Variants in ADGRG1 observed in about 807,000 individuals in gnomAD.
ADGRG1 encodes adhesion G protein-coupled receptor G1.
ADGRG1 carries 53 observed loss-of-function variants against 73.5 expected under a neutral mutation model. The observed-to-expected ratio is 0.72, with a 90% confidence interval of 0.58 to 0.91. ADGRG1 has a LOEUF of 0.91. ADGRG1 is among the 40% of genes least tolerant of loss of function. The probability of loss-of-function intolerance (pLI) is 0.00; values close to 1 mark genes in which losing one functional copy is unlikely to be tolerated. For synonymous variants in ADGRG1, 394 were observed against 374.4 expected, an observed-to-expected ratio of 1.05 and a Z score of -0.60; for missense variants, 795 against 871.8, an observed-to-expected ratio of 0.91 and a Z score of 1.11.
chr16:57,628,433 G>A (rs1339585631), upstream of ADGRG1: 2 of 803,896 alleles, frequency 2.5e-6, no homozygotes, highest in East Asian at 1.3e-4. Flanking sequence ...CCCCTTGCCC[G>A]GCGCTGAGTC....
intron 11 of ADGRG1, 64 bp from the exon 12 acceptor site, chr16:57,660,704 G>T: frequency 1.4e-6 from 2 of 1,481,164 alleles, no homozygotes; most frequent in Non-Finnish European, 1.9e-6. Flanking sequence ...ACTCCCTGAG[G>T]CCAGCAGGGA....
At chr16:57,644,469 G>GGC (rs1555540617) in intron 1 of ADGRG1, among the ~76,000 whole-genome samples, 2 of 128,798 alleles carry the variant, frequency 1.6e-5, no homozygotes, top group African/African-American at 6.1e-5. Flanking sequence ...CTCATGCACG[G>GGC]GCACACACAC....
At chr16:57,642,930 G>A (rs2041222576) in intron 1 of ADGRG1, 1 of 152,244 alleles carries the variant, frequency 6.6e-6, no homozygotes, top group Non-Finnish European at 1.5e-5. Flanking sequence ...CATGGGCTCT[G>A]CTCATAGGGT....
chr16:57,663,586 T>C lies in ADGRG1; in HGVS notation c.*4T>C, dbSNP rs756541221. On this transcript the variant is annotated 3_prime_UTR_variant, in exon 14 of 14. Coordinates refer to ENST00000562631, the MANE Select transcript of ADGRG1 (RefSeq NM_201525.4). The stretch of plus-strand genomic sequence containing the variant: ...CACCTCGTCCAGCCGCATCTAGGCC[T>C]CCAGCCCACCTGCCCATGTGATGAA... 9 of 1,612,596 alleles carry C rather than the reference T, an allele frequency of 5.6e-6. No individual in the cohort carries two copies. Among genetic ancestry groups the C allele is most frequent in the Admixed American group, 3.3e-5 (2 of 60,014 alleles).
Position 57,663,635 on chromosome 16 carries a change from A to G in ADGRG1, c.*53A>G. The G allele has an allele frequency of 6.3e-7, 1 of 1,592,538 alleles. No homozygotes were observed. Among genetic ancestry groups the G allele is most frequent in the Non-Finnish European group, 8.5e-7 (1 of 1,170,138 alleles). On this transcript the variant is annotated 3_prime_UTR_variant, in exon 14 of 14. Coordinates refer to ENST00000562631, the MANE Select transcript of ADGRG1 (RefSeq NM_201525.4). ...AAGCAGAGATTCGGCCTCGTCGCAC[A>G]CTGCCTGTGGCCCCCGAGCCCGGCC... is the stretch of plus-strand genomic sequence containing the variant.
intron 4 of ADGRG1, 58 bp downstream of exon 4, chr16:57,653,393 T>C: frequency 6.3e-7 from 1 of 1,598,056 alleles, no homozygotes. Context: ...GATCTGGACC[T>C]GGGCAGGGTG....
chr16:57,633,340 A>C, intron 1 of ADGRG1: 3 of 985,258 alleles, frequency 3.0e-6, no homozygotes, highest in Non-Finnish European at 3.6e-6. Flanking sequence ...GACTTAGAGC[A>C]AGCGGCTGAA....
Position 57,661,916 on chromosome 16 carries a change from C to G in ADGRG1, c.1884C>G (p.Thr628=). ...ALIFFSFASG[T]FQLVVLYLFS... ...TCTTCTTCTCCTTTGCTTCTGGCAC[C>G]TTCCAGCTTGTCGTCCTCTACCTTT... The change falls in exon 13 of 14, where the codon ACC becomes ACG. Residue 628 remains threonine (T), a synonymous_variant. Coordinates refer to ENST00000562631, the MANE Select transcript of ADGRG1 (RefSeq NM_201525.4). 1.9e-6 allele frequency: 3 copies of G among 1,614,272 alleles called. No homozygotes were observed. Among genetic ancestry groups the G allele is most frequent in the Non-Finnish European group, 2.5e-6 (3 of 1,180,044 alleles).
At chr16:57,645,648 G>GGGAA (rs1323444196) in intron 1 of ADGRG1, among the ~76,000 whole-genome samples, 5 of 152,152 alleles carry the variant, frequency 3.3e-5, no homozygotes. Context: ...TGGTTCCCAA[G>GGGAA]CCTGCAGTAT....
At chr16:57,652,372 G>A (rs1317953) in intron 3 of ADGRG1, among the ~76,000 whole-genome samples, 4,228 of 152,108 alleles carry the variant, frequency 0.028, 208 homozygotes, top group South Asian at 0.15. Flanking sequence ...TTTCAGGGGT[G>A]GGGGGCACAG....
At chr16:57,659,088 A>T (rs2046424642) in intron 10 of ADGRG1, 2 of 985,246 alleles carry the variant, frequency 2.0e-6, no homozygotes. Flanking sequence ...ATTCTCCAAC[A>T]TGGTGAAAAT....
chr16:57,660,532 G>A, intron 11 of ADGRG1: 2 of 734,762 alleles, frequency 2.7e-6, no homozygotes, highest in Non-Finnish European at 3.3e-6. Context: ...GGCCCCCAGG[G>A]TGACGAAGGG....
At chr16:57,621,136 C>T (rs2034720512) in intron 1 of ADGRG1, 1 of 152,162 alleles carries the variant, frequency 6.6e-6, no homozygotes, top group African/African-American at 2.4e-5. Flanking sequence ...ATGGCACCCC[C>T]CACATTCCCT....
chr16:57,622,828 C>G (rs1285323119), upstream of ADGRG1: 4 of 985,240 alleles, frequency 4.1e-6, no homozygotes, highest in Non-Finnish European at 2.4e-6. Context: ...GCATGCCTTC[C>G]CCGCTGGGGA....
At chr16:57,631,020 T>C (rs1597095030) in intron 1 of ADGRG1, 1 of 985,758 alleles carries the variant, frequency 1.0e-6, no homozygotes, top group Non-Finnish European at 1.2e-6. Flanking sequence ...TGTGTGGGGC[T>C]GGGGGCCCAG....
chr16:57,647,369 G>A (rs1031424948), intron 1 of ADGRG1: 1 of 983,142 alleles, frequency 1.0e-6, no homozygotes, highest in Non-Finnish European at 1.2e-6. Flanking sequence ...TACGGGAAGA[G>A]GGGGAAACAG....
At chr16:57,633,033 A>C in intron 1 of ADGRG1, 6 of 823,570 alleles carry the variant, frequency 7.3e-6, no homozygotes, top group Non-Finnish European at 8.8e-6. Context: ...CTGTCCTCCT[A>C]GTACCCCCAG....
At chr16:57,644,506 G>A (rs558883163) in intron 1 of ADGRG1, among the ~76,000 whole-genome samples, 7 of 140,674 alleles carry the variant, frequency 5.0e-5, no homozygotes, top group African/African-American at 1.6e-4. Flanking sequence ...GCACACTCAT[G>A]CATGGGCACA....
rs1280561833 is a variant in ADGRG1 at position 57,628,885 on chromosome 16, AGAGTGTGAGTGTGT to A, written c.-36+101_-36+114del. 34 of 781,458 alleles carry A rather than the reference AGAGTGTGAGTGTGT, an allele frequency of 4.4e-5. 1 individual carries two copies. The highest frequency in any genetic ancestry group is 6.5e-4 in the Middle Eastern group (1 of 1,538). The allele number at this position is 781,458 out of a possible 1,614,324, so 48.4% of individuals were successfully genotyped here. A position where few individuals can be genotyped will look rare whatever the true frequency, so the allele number is the denominator to read the frequency against. ...GTGAGTGTGTGAGCGTGAGTGTGTG[AGAGTGTGAGTGTGT>A]GAGTGTGAGTGTGTGAGAGTGAGTG... On this transcript the variant is annotated intron_variant, in intron 1 of 13. Transcript: ENST00000562631.
Sources: allele counts gnomAD v4.1 joint callset (sites outside exome capture counted in the v4.1 genomes callset), GRCh38; gene constraint gnomAD v4.1.1; transcripts MANE v1.5; gene names NCBI Gene and HGNC (gene_info 2026-07-23, HGNC 2026-07-21).